PKHD1: variants seen among roughly 807,000 people sequenced by gnomAD.
The protein encoded by PKHD1 is PKHD1 ciliary IPT domain containing fibrocystin/polyductin, also known as fibrocystin.
Under a neutral mutation model 412.0 loss-of-function variants are expected in PKHD1, and 291 were observed. That is an observed-to-expected ratio of 0.71 (90% CI 0.64 to 0.78). The LOEUF (loss-of-function observed/expected upper bound fraction) is 0.78. Among genes scored for constraint, PKHD1 ranks in the 30% least tolerant of loss-of-function variants. PKHD1 has a pLI of 0.00. For missense variants in PKHD1, 4,825 were observed against 4,950.7 expected, an observed-to-expected ratio of 0.97 and a Z score of 0.76; for synonymous variants, 1,777 against 1,821.5, an observed-to-expected ratio of 0.98 and a Z score of 0.62.
chr6:51,699,920 AGTGTGTGTGTGTGTGTGT>A (rs148337538), intron 60 of PKHD1, among the ~76,000 whole-genome samples: 3 of 137,812 alleles, frequency 2.2e-5, no homozygotes, highest in Admixed American at 1.5e-4. Context: ...ATATATATGG[AGTGTGTGTGTGTGTGTGT>A]GTGTGTGTGT....
intron 48 of PKHD1, among the ~76,000 whole-genome samples, chr6:51,866,206 T>A (rs1775046268): frequency 6.6e-6 from 1 of 152,074 alleles, no homozygotes; most frequent in African/African-American, 2.4e-5. Flanking sequence ...GTCAGTTGAG[T>A]ATTTGTCCAT....
At chr6:51,623,859 T>C (rs896416802) in intron 66 of PKHD1, among the ~76,000 whole-genome samples, 6 of 152,312 alleles carry the variant, frequency 3.9e-5, no homozygotes, top group African/African-American at 1.4e-4. Context: ...AGTGCTGGGA[T>C]TACAGGTGTG....
Position 52,071,031 on chromosome 6 carries a change from C to A in PKHD1, c.642G>T (p.Gln214His). 1 of 1,606,768 alleles carries A rather than the reference C, an allele frequency of 6.2e-7. No homozygotes were observed. Among genetic ancestry groups the A allele is most frequent in the Non-Finnish European group, 8.5e-7 (1 of 1,173,502 alleles). ...IQEDHGLGTL[Q>H]CHVEGDYIGS... ...CGATGTAGTCGCCTTCCACATGGCACTGCAGAGTCCCAAGACCATGGTCCT... is the reference window on the plus strand; with the variant it reads ...CGATGTAGTCGCCTTCCACATGGCAATGCAGAGTCCCAAGACCATGGTCCT... Residue 214 changes from glutamine to histidine, a missense_variant, in exon 9 of 67, where the codon CAG becomes CAT. Coordinates refer to ENST00000371117, the MANE Select transcript of PKHD1 (RefSeq NM_138694.4).
intron 50 of PKHD1, among the ~76,000 whole-genome samples, chr6:51,840,404 G>C (rs896275135): frequency 2.0e-5 from 3 of 152,042 alleles, no homozygotes; most frequent in Non-Finnish European, 4.4e-5. Flanking sequence ...GTGAATTTTG[G>C]GGGGGACAAA....
At chr6:51,839,342 T>A (rs1769772142) in intron 50 of PKHD1, among the ~76,000 whole-genome samples, 1 of 152,220 alleles carries the variant, frequency 6.6e-6, no homozygotes, top group Admixed American at 6.5e-5. Context: ...TCCGTGTTTA[T>A]AAATGGAGCC....
chr6:51,632,599 CA>C lies in PKHD1; in HGVS notation c.11630del (p.Leu3877ArgfsTer54), dbSNP rs747170980. ...SVASWLALSC[L>X]VCCWLKRSKS... ...TGCTTCTTTTAAGCCAACAGCACAC[CA>C]GACAGCTCAGAGCCAGCCATGAGGC... is the stretch of plus-strand genomic sequence containing the variant. On this transcript the variant is annotated frameshift_variant, in exon 65 of 67. Transcript: ENST00000371117. LOFTEE classifies it high-confidence loss of function. 14 of 1,613,074 alleles carry C rather than the reference CA, an allele frequency of 8.7e-6. No homozygotes were observed. Among genetic ancestry groups the C allele is most frequent in the Non-Finnish European group, 1.2e-5 (14 of 1,179,632 alleles).
chr6:51,760,600 T>A (rs1488674719), intron 55 of PKHD1, among the ~76,000 whole-genome samples: 1 of 152,088 alleles, frequency 6.6e-6, no homozygotes, highest in East Asian at 1.9e-4. Context: ...TTTCATTTAT[T>A]AGGTACTTAA....
intron 52 of PKHD1, among the ~76,000 whole-genome samples, chr6:51,793,582 C>A (rs1794098748): frequency 6.6e-6 from 1 of 152,156 alleles, no homozygotes; most frequent in Non-Finnish European, 1.5e-5. Flanking sequence ...GTTCTCATCA[C>A]TTAGCTCCCA....
chr6:51,649,885 T>C (rs1293839865), intron 61 of PKHD1, among the ~76,000 whole-genome samples: 1 of 152,228 alleles, frequency 6.6e-6, no homozygotes, highest in Non-Finnish European at 1.5e-5. Flanking sequence ...ATGAAGCATC[T>C]GAGGAGAATA....
chr6:51,761,408 G>C (rs73426040), intron 55 of PKHD1, among the ~76,000 whole-genome samples: 5,464 of 152,130 alleles, frequency 0.036, 272 homozygotes, highest in African/African-American at 0.11. Flanking sequence ...TAGAATGCAG[G>C]TTACCAGAGG....
intron 35 of PKHD1, among the ~76,000 whole-genome samples, chr6:52,000,340 A>G (rs756648420): frequency 2.6e-5 from 4 of 152,302 alleles, no homozygotes; most frequent in Non-Finnish European, 4.4e-5. Flanking sequence ...TGTACCATCT[A>G]TAGCAATTTC....
intron 52 of PKHD1, among the ~76,000 whole-genome samples, chr6:51,797,728 C>T (rs1213692509): frequency 6.6e-6 from 1 of 152,124 alleles, no homozygotes; most frequent in Non-Finnish European, 1.5e-5. Flanking sequence ...GAAGACAGCA[C>T]ACTGATGGGT....
chr6:52,011,469 G>A (rs1896974), intron 34 of PKHD1, among the ~76,000 whole-genome samples: 64,725 of 152,018 alleles, frequency 0.43, 15,433 homozygotes, highest in Admixed American at 0.56. Context: ...ACAGAACTAC[G>A]GTAGCTCCGA....
chr6:51,894,982 A>T (rs1210914809), intron 43 of PKHD1, among the ~76,000 whole-genome samples: 1 of 152,172 alleles, frequency 6.6e-6, no homozygotes, highest in South Asian at 2.1e-4. Flanking sequence ...ATTAATCACA[A>T]TTTTCTATCA....
At chr6:51,795,835 A>G (rs139566110) in intron 52 of PKHD1, among the ~76,000 whole-genome samples, 68 of 152,306 alleles carry the variant, frequency 4.5e-4, no homozygotes, top group African/African-American at 1.6e-3. Flanking sequence ...ACTGATTTGC[A>G]TACATTAAAC....
intron 60 of PKHD1, among the ~76,000 whole-genome samples, chr6:51,715,306 TATTCCCA>T (rs577552260): frequency 0.028 from 4,253 of 152,184 alleles, 214 homozygotes; most frequent in African/African-American, 0.097. Flanking sequence ...GAAAGTCAGG[TATTCCCA>T]ACTCCCCTCC....
intron 60 of PKHD1, among the ~76,000 whole-genome samples, chr6:51,670,802 G>T (rs9349590): frequency 0.49 from 72,878 of 148,278 alleles, 20,683 homozygotes; most frequent in Non-Finnish European, 0.65. Context: ...CTCCTTCACT[G>T]ATGAAGCTTA....
chr6:51,696,571 T>C (rs1404594290), intron 60 of PKHD1, among the ~76,000 whole-genome samples: 2 of 152,218 alleles, frequency 1.3e-5, no homozygotes, highest in Admixed American at 1.3e-4. Flanking sequence ...TACTGTTTTC[T>C]ATCTCATTAT....
intron 37 of PKHD1, among the ~76,000 whole-genome samples, chr6:51,912,902 T>A (rs1783189626): frequency 6.6e-6 from 1 of 152,068 alleles, no homozygotes; most frequent in Admixed American, 6.6e-5. Flanking sequence ...AACCCTATTC[T>A]TTAGGGTAAT....
Sources: allele counts gnomAD v4.1 joint callset (sites outside exome capture counted in the v4.1 genomes callset), GRCh38; gene constraint gnomAD v4.1.1; transcripts MANE v1.5; gene names NCBI Gene and HGNC (gene_info 2026-07-23, HGNC 2026-07-21).